The following LNX1 variants were observed in gnomAD, a reference collection of about 807,000 sequenced individuals.
LNX1 encodes ligand of numb-protein X 1.
LNX1 carries 54 observed loss-of-function variants against 68.4 expected under a neutral mutation model. The ratio of observed to expected loss-of-function variants is 0.79; its 90% confidence interval spans 0.63 to 0.99. The LOEUF is 0.99. LNX1 is among the 50% of genes least tolerant of loss of function. LNX1 has a pLI of 0.00. For synonymous variants in LNX1, 336 were observed against 350.0 expected, an observed-to-expected ratio of 0.96 and a Z score of 0.45; for missense variants, 906 against 926.4, an observed-to-expected ratio of 0.98 and a Z score of 0.29.
chr4:53,498,160 C>G (rs140611153), intron 5 of LNX1, among the ~76,000 whole-genome samples: 1 of 151,804 alleles, frequency 6.6e-6, no homozygotes, highest in East Asian at 1.9e-4. Flanking sequence ...CAGGGAGGGC[C>G]GTAAGACTAT....
intron 2 of LNX1, among the ~76,000 whole-genome samples, chr4:53,596,739 G>A (rs12186283): frequency 0.26 from 39,562 of 151,786 alleles, 5,236 homozygotes; most frequent in East Asian, 0.35. Context: ...CATCCTGAAG[G>A]CTTCCACATT....
rs1726420565 is a variant in LNX1, at chr4:53,512,494, G to GTT, written c.381-4268_381-4267insAA. 3.3e-4 allele frequency among the ~76,000 whole-genome samples: 15 copies of GTT among 45,014 alleles called. No homozygotes were observed. The South Asian group carries it at 0.025, about 75-fold the overall frequency. 29.5% of individuals were successfully genotyped at this position (45,014 alleles called of 152,430 possible). A position where few individuals can be genotyped will look rare whatever the true frequency, so the allele number is the denominator to read the frequency against. On this transcript the variant is annotated intron_variant, in intron 2 of 10. Transcript: ENST00000263925. ...TCCTCCCTACCCAGTGTTTGTGTGTGTGTGTGTGTGTGTGTGTGTGTGTGC... is the reference window on the plus strand; with the variant it reads ...TCCTCCCTACCCAGTGTTTGTGTGTGTTTGTGTGTGTGTGTGTGTGTGTGTGC...
chr4:53,613,901 T>C (rs1733590279), intron 2 of LNX1, among the ~76,000 whole-genome samples: 1 of 152,234 alleles, frequency 6.6e-6, no homozygotes. Flanking sequence ...TCCACAATGG[T>C]TGAACTAATT....
intron 4 of LNX1, among the ~76,000 whole-genome samples, chr4:53,505,079 A>T (rs1560632796): frequency 6.6e-6 from 1 of 152,222 alleles, no homozygotes; most frequent in Non-Finnish European, 1.5e-5. Flanking sequence ...TTCAATTTGT[A>T]AAAATAAAAA....
rs143216294 is a variant in LNX1, at chr4:53,589,819, C to A, written c.-87+1569G>T. 3.4e-3 allele frequency among the ~76,000 whole-genome samples: 512 copies of A among 152,330 alleles called. 5 individuals carry two copies. The highest frequency in any genetic ancestry group is 0.012 in the African/African-American group (482 of 41,584). On this transcript the variant is annotated intron_variant, in intron 1 of 10. Transcript: ENST00000263925. ...TTCTAGTCAATCTGACTCTGAATTC[C>A]AGTCTTTGTCACTTCTTTTCTTTCT...
At chr4:53,551,277 C>T (rs1471001967) in intron 2 of LNX1, among the ~76,000 whole-genome samples, 2 of 152,132 alleles carry the variant, frequency 1.3e-5, no homozygotes, top group Non-Finnish European at 2.9e-5. Context: ...AGGCCACCCT[C>T]CCCACAATGA....
intron 9 of LNX1, among the ~76,000 whole-genome samples, chr4:53,463,245 T>G (rs1017203230): frequency 4.6e-5 from 7 of 152,086 alleles, no homozygotes; most frequent in African/African-American, 1.7e-4. Context: ...CTCTTGATAC[T>G]GGAGAGAACA....
intron 2 of LNX1, among the ~76,000 whole-genome samples, chr4:53,527,292 C>T (rs1379553074): frequency 2.0e-5 from 3 of 152,120 alleles, no homozygotes; most frequent in African/African-American, 4.8e-5. Flanking sequence ...TTTTCTAAGA[C>T]AAGGATTATT....
chr4:53,547,038 G>A (rs1729163351), intron 2 of LNX1, among the ~76,000 whole-genome samples: 1 of 152,192 alleles, frequency 6.6e-6, no homozygotes. Flanking sequence ...TATGGTTACA[G>A]CAACTCCAGT....
rs199552515 is a variant in LNX1, at chr4:53,498,727, G to C, written c.892C>G (p.Leu298Val). The change falls in exon 5 of 11, where the codon CTG (leucine) becomes GTG (valine). Residue 298 changes from leucine (L) to valine (V), a missense_variant. Coordinates refer to ENST00000263925, the MANE Select transcript of LNX1 (RefSeq NM_001126328.3). ...IRLVGGSETP[L>V]VHIIIQHIYR... Reference sequence around the variant, plus strand: ...ATGTGTTGGATAATGATATGGACCAGTGGGGTTTCGCTACCTCCCACCAGC... The same window carrying C: ...ATGTGTTGGATAATGATATGGACCACTGGGGTTTCGCTACCTCCCACCAGC... 1 of 1,614,012 alleles carries C rather than the reference G, an allele frequency of 6.2e-7. No individual in the cohort carries two copies. Among genetic ancestry groups the C allele is most frequent in the South Asian group, 1.1e-5 (1 of 91,086 alleles).
Position 53,460,019 on chromosome 4 carries a change from A to G in LNX1, c.*888T>C, listed in dbSNP as rs1450043607. 1.5e-5 allele frequency: 3 copies of G among 206,760 alleles called. No homozygotes were observed. The highest frequency in any genetic ancestry group is 6.9e-5 in the African/African-American group (3 of 43,224). 12.8% of individuals were successfully genotyped at this position (206,760 alleles called of 1,614,324 possible). A position where few individuals can be genotyped will look rare whatever the true frequency, so the allele number is the denominator to read the frequency against. On this transcript the variant is annotated 3_prime_UTR_variant, in exon 11 of 11. Coordinates refer to ENST00000263925, the MANE Select transcript of LNX1 (RefSeq NM_001126328.3). ...GGTACACTTTCATATCCAAATTAAT[A>G]AAACCTATAAGGCATCTGGGTGGCC...
intron 2 of LNX1, among the ~76,000 whole-genome samples, chr4:53,607,060 C>G (rs1235895817): frequency 1.3e-5 from 2 of 152,294 alleles, no homozygotes; most frequent in East Asian, 1.9e-4. Flanking sequence ...GACAAGGATG[C>G]CTTCTCTCAC....
Position 53,496,158 on chromosome 4 carries a change from C to T in LNX1, c.1215G>A (p.Gly405=). The change falls in exon 6 of 11, where the codon GGG becomes GGA. Residue 405 remains glycine, a synonymous_variant. Transcript: ENST00000263925. ...CATCCAGCACATTGAAGATGAAAACCCCAGGCTCATCCACCTTGCGCACCA... is the reference window on the plus strand; with the variant it reads ...CATCCAGCACATTGAAGATGAAAACTCCAGGCTCATCCACCTTGCGCACCA... The part of the protein sequence containing the change: ...IKLVRKVDEP[G]VFIFNVLDGG... 6.2e-7 allele frequency: 1 copy of T among 1,614,132 alleles called. No homozygotes were observed. The highest frequency in any genetic ancestry group is 1.1e-5 in the South Asian group (1 of 91,078).
chr4:53,592,625 C>T (rs1364321530), upstream of LNX1, among the ~76,000 whole-genome samples: 1 of 152,180 alleles, frequency 6.6e-6, no homozygotes, highest in African/African-American at 2.4e-5. Context: ...GTTGACATTC[C>T]TATTTTCCTC....
chr4:53,605,428 G>A (rs1226457305), intron 2 of LNX1, among the ~76,000 whole-genome samples: 1 of 152,076 alleles, frequency 6.6e-6, no homozygotes, highest in African/African-American at 2.4e-5. Context: ...GTGTATGCGT[G>A]TATGGGGGTG....
chr4:53,558,181 C>T (rs547810040), intron 2 of LNX1: 10 of 1,347,602 alleles, frequency 7.4e-6, no homozygotes, highest in Non-Finnish European at 1.9e-6. Context: ...TGTAGGAACG[C>T]AAGGAGCCAC....
chr4:53,490,629 T>G (rs1386239583), intron 6 of LNX1, among the ~76,000 whole-genome samples: 1 of 152,190 alleles, frequency 6.6e-6, no homozygotes, highest in Non-Finnish European at 1.5e-5. Flanking sequence ...AAAAGCTGAA[T>G]GTGGGGTACT....
chr4:53,522,924 C>G (rs942135430), intron 2 of LNX1: 6 of 152,098 alleles, frequency 3.9e-5, no homozygotes, highest in African/African-American at 1.2e-4. Flanking sequence ...ACATATACTT[C>G]TGTATGTTTA....
intron 2 of LNX1, among the ~76,000 whole-genome samples, chr4:53,528,991 G>A (rs1184429953): frequency 6.6e-6 from 1 of 152,010 alleles, no homozygotes; most frequent in Non-Finnish European, 1.5e-5. Flanking sequence ...CCAATACAGA[G>A]AGAATGCATA....
Sources: allele counts gnomAD v4.1 joint callset (sites outside exome capture counted in the v4.1 genomes callset), GRCh38; gene constraint gnomAD v4.1.1; transcripts MANE v1.5; gene names NCBI Gene and HGNC (gene_info 2026-07-23, HGNC 2026-07-21).